BBX: variants seen among roughly 807,000 people sequenced by gnomAD.
BBX encodes HMG box transcription factor BBX.
BBX carries 30 observed loss-of-function variants against 100.2 expected under a neutral mutation model. That is an observed-to-expected ratio of 0.30 (90% CI 0.22 to 0.41). The LOEUF (loss-of-function observed/expected upper bound fraction) is 0.41. BBX is among the 10% of genes least tolerant of loss of function. The pLI is 1.00. For synonymous variants in BBX, 376 were observed against 388.1 expected (o/e 0.97, Z 0.37); for missense variants, 1,023 against 1,129.8 (o/e 0.91, Z 1.35).
intron 5 of BBX, among the ~76,000 whole-genome samples, chr3:107,724,772 T>C (rs2062797619): frequency 6.6e-6 from 1 of 152,196 alleles, no homozygotes; most frequent in Non-Finnish European, 1.5e-5. Flanking sequence ...TCTATATCTC[T>C]GTTTTGGTAC....
chr3:107,751,359 C>T (rs1035311391), intron 9 of BBX, among the ~76,000 whole-genome samples: 2 of 152,216 alleles, frequency 1.3e-5, no homozygotes, highest in Non-Finnish European at 2.9e-5. Flanking sequence ...GTGCAAAATT[C>T]TCAGAAACTA....
At chr3:107,646,757 T>C (rs1411861272) in intron 3 of BBX, among the ~76,000 whole-genome samples, 1 of 152,170 alleles carries the variant, frequency 6.6e-6, no homozygotes, top group Non-Finnish European at 1.5e-5. Flanking sequence ...GAACTTATTC[T>C]TTAACTTTTT....
At chr3:107,579,170 G>A (rs2052063918) in intron 2 of BBX, among the ~76,000 whole-genome samples, 1 of 152,012 alleles carries the variant, frequency 6.6e-6, no homozygotes, top group Admixed American at 6.5e-5. Flanking sequence ...TTTAAGATAG[G>A]CTTTATTGTT....
At chr3:107,596,938 G>A (rs567433047) in intron 2 of BBX, among the ~76,000 whole-genome samples, 1 of 152,232 alleles carries the variant, frequency 6.6e-6, no homozygotes, top group Non-Finnish European at 1.5e-5. Context: ...GGTGTTTTGT[G>A]TGTAGAATAG....
At chr3:107,755,534 G>T in intron 9 of BBX, 64 bp from the exon 10 acceptor site, 1 of 1,433,678 alleles carries the variant, frequency 7.0e-7, no homozygotes, top group South Asian at 1.1e-5. Context: ...GAATGTATAT[G>T]AATGAGAAGC....
At chr3:107,789,959 C>G in intron 14 of BBX, 83 bp downstream of exon 14, 1 of 1,115,998 alleles carries the variant, frequency 9.0e-7, no homozygotes, top group Non-Finnish European at 1.3e-6. Flanking sequence ...CCATGCACTG[C>G]CTTTGCCTTG....
chr3:107,523,130 C>T, intron 1 of BBX, 23 bp downstream of exon 1: 1 of 159,868 alleles, frequency 6.3e-6, no homozygotes, highest in South Asian at 1.4e-4. Context: ...CATCCCCAGC[C>T]CTCCCTGGGC....
intron 3 of BBX, chr3:107,657,128 TAGACATTGGAA>T (rs2107836963): frequency 6.6e-6 from 1 of 152,230 alleles, no homozygotes; most frequent in South Asian, 2.1e-4. Flanking sequence ...GAAAAAAAGG[TAGACATTGGAA>T]AGACTGGTTT....
intron 9 of BBX, among the ~76,000 whole-genome samples, chr3:107,750,239 C>T (rs914248069): frequency 1.3e-5 from 2 of 152,150 alleles, no homozygotes; most frequent in African/African-American, 4.8e-5. Context: ...CTACAGCACT[C>T]ATCTCCTGAG....
intron 2 of BBX, among the ~76,000 whole-genome samples, chr3:107,593,684 A>G (rs1353552975): frequency 6.6e-6 from 1 of 152,222 alleles, no homozygotes; most frequent in East Asian, 1.9e-4. Flanking sequence ...GTATTTGGGA[A>G]TACATAGGAT....
chr3:107,584,633 G>A (rs2052678343), intron 2 of BBX, among the ~76,000 whole-genome samples: 1 of 149,504 alleles, frequency 6.7e-6, no homozygotes, highest in Non-Finnish European at 1.5e-5. Context: ...TTTATGGGGT[G>A]GGGAAGGCTT....
At chr3:107,772,355 C>T (rs2066976710) in intron 10 of BBX, among the ~76,000 whole-genome samples, 1 of 152,166 alleles carries the variant, frequency 6.6e-6, no homozygotes, top group Non-Finnish European at 1.5e-5. Flanking sequence ...CCTCCTTCTT[C>T]CAGGTCTTGT....
At chr3:107,739,344 C>T (rs1268094924) in intron 7 of BBX, among the ~76,000 whole-genome samples, 3 of 152,180 alleles carry the variant, frequency 2.0e-5, no homozygotes, top group Admixed American at 1.3e-4. Flanking sequence ...TTATAGCTTA[C>T]TTTATTTAAA....
At chr3:107,568,489 C>A (rs575832833) in intron 2 of BBX, among the ~76,000 whole-genome samples, 1 of 152,160 alleles carries the variant, frequency 6.6e-6, no homozygotes, top group Admixed American at 6.5e-5. Context: ...TGGTTTTGAT[C>A]TCCTGACCTT....
chr3:107,751,802 C>CA (rs1251190117), intron 9 of BBX, among the ~76,000 whole-genome samples: 1 of 152,182 alleles, frequency 6.6e-6, no homozygotes, highest in Non-Finnish European at 1.5e-5. Flanking sequence ...AGGTGAGACT[C>CA]ATATTTCATC....
At position 107,704,292 on chromosome 3, in the gene BBX, A is replaced by C. The variant is rs148473383; in HGVS notation, c.-9-6160A>C. ...ATATGTGGTTAAGTGTTAGATGAGG[A>C]AATTATAAGCCAATAAATACCCTTT... On this transcript the variant is annotated intron_variant, in intron 3 of 17. Transcript: ENST00000325805. Among the ~76,000 whole-genome samples, 358 of 152,338 alleles carry C rather than the reference A, an allele frequency of 2.4e-3. 1 individual carries two copies. Among genetic ancestry groups the C allele is most frequent in the African/African-American group, 5.3e-3 (222 of 41,574 alleles).
At chr3:107,711,359 C>T (rs2061710697) in intron 4 of BBX, 1 of 470,642 alleles carries the variant, frequency 2.1e-6, no homozygotes, top group African/African-American at 2.0e-5. Context: ...TGGTGCCTGG[C>T]ACATAGTAGG....
chr3:107,660,399 C>T (rs1375901265), intron 3 of BBX, among the ~76,000 whole-genome samples: 1 of 150,770 alleles, frequency 6.6e-6, no homozygotes, highest in Non-Finnish European at 1.5e-5. Flanking sequence ...GTGTTCATAC[C>T]ACTCATATTT....
rs530450277 is a variant in BBX, at chr3:107,698,221, C to T, written c.-9-12231C>T. 2.1e-3 allele frequency among the ~76,000 whole-genome samples: 322 copies of T among 151,774 alleles called. 4 individuals are homozygous for T. Among genetic ancestry groups the T allele is most frequent in the Non-Finnish European group, 1.6e-3 (107 of 68,018 alleles). On this transcript the variant is annotated intron_variant, in intron 3 of 17. Transcript: ENST00000325805. Reference sequence around the variant, plus strand: ...CCTATTCGGCCATCTTGGCTCCTCCCGCCTTTTAATTATTTTAAACTAAAA... The same window carrying T: ...CCTATTCGGCCATCTTGGCTCCTCCTGCCTTTTAATTATTTTAAACTAAAA...
Sources: gnomAD v4.1 joint callset for allele counts (sites outside exome capture counted in the v4.1 genomes callset) on GRCh38, gnomAD v4.1.1 for gene constraint, MANE v1.5 for transcripts, NCBI Gene and HGNC (gene_info 2026-07-23, HGNC 2026-07-21) for gene names.